The following TRAF3IP3 variants were observed in gnomAD, a reference collection of about 807,000 sequenced individuals.
TRAF3IP3 encodes TRAF3-interacting JNK-activating modulator.
In TRAF3IP3, 64 loss-of-function variants were observed where a neutral mutation model predicts 86.5. The ratio of observed to expected loss-of-function variants is 0.74; its 90% CI spans 0.60 to 0.91. The LOEUF is 0.91. Ranked by LOEUF, TRAF3IP3 falls within the 40% of genes least tolerant of loss-of-function variation. The probability of loss-of-function intolerance (pLI) is 0.00; values close to 1 mark genes in which losing one functional copy is unlikely to be tolerated. For missense variants in TRAF3IP3, 579 were observed against 642.9 expected, an observed-to-expected ratio of 0.90 and a Z score of 1.07; for synonymous variants, 220 against 243.9, an observed-to-expected ratio of 0.90 and a Z score of 0.91.
intron 13 of TRAF3IP3, chr1:209,778,582 G>T (rs2077709246): frequency 6.1e-6 from 1 of 164,420 alleles, no homozygotes; most frequent in African/African-American, 2.4e-5. Context: ...TACATATTGG[G>T]CCCAAAGAGG....
At chr1:209,761,924 A>G (rs1198902869) in intron 3 of TRAF3IP3, among the ~76,000 whole-genome samples, 1 of 152,288 alleles carries the variant, frequency 6.6e-6, no homozygotes, top group Admixed American at 6.5e-5. Context: ...CCTGGAGAAA[A>G]GTACAGCTCC....
chr1:209,778,204 A>G, intron 13 of TRAF3IP3, 31 bp downstream of exon 13: 1 of 1,606,694 alleles, frequency 6.2e-7, no homozygotes, highest in South Asian at 1.1e-5. Flanking sequence ...CTGAAAGTCC[A>G]CAGGGTTTTC....
intron 15 of TRAF3IP3, 100 bp from the exon 16 acceptor site, chr1:209,781,245 A>C: frequency 1.4e-6 from 1 of 733,868 alleles, no homozygotes; most frequent in Non-Finnish European, 2.4e-6. Context: ...GATGGTGGTA[A>C]AAATTCCAAA....
At chr1:209,775,154 T>G in intron 9 of TRAF3IP3, 195 bp from the exon 10 acceptor site, 1 of 602,050 alleles carries the variant, frequency 1.7e-6, no homozygotes, top group South Asian at 2.1e-5. Flanking sequence ...AGGGCACTGT[T>G]TATTATGCCC....
rs376068482 is a variant in TRAF3IP3 at position 209,780,561 on chromosome 1, C to G, written c.1404C>G (p.Asp468Glu). 10 of 1,599,740 alleles carry G rather than the reference C, an allele frequency of 6.3e-6. No individual in the cohort carries two copies. Among genetic ancestry groups the G allele is most frequent in the African/African-American group, 4.0e-5 (3 of 74,268 alleles). Reference sequence around the variant, plus strand: ...AGGAGAAAGACTGGGATCTCAGAGACCAGCTGCAAAAGAAGACTTTGCAGC... The same window carrying G: ...AGGAGAAAGACTGGGATCTCAGAGAGCAGCTGCAAAAGAAGACTTTGCAGC... The part of the protein sequence containing the change: ...TGKEKDWDLR[D>E]QLQKKTLQLQ... The change falls in exon 15 of 17, where the codon GAC becomes GAG. Residue 468 changes from aspartate to glutamate, a missense_variant. Transcript: ENST00000367025.
intron 8 of TRAF3IP3, among the ~76,000 whole-genome samples, chr1:209,766,383 G>A (rs975240830): frequency 1.3e-4 from 20 of 152,170 alleles, no homozygotes; most frequent in African/African-American, 4.6e-4. Context: ...TGTGCTACAG[G>A]GGCAAAGAGC....
At chr1:209,771,650 G>A (rs549138064) in intron 8 of TRAF3IP3, among the ~76,000 whole-genome samples, 3 of 142,968 alleles carry the variant, frequency 2.1e-5, no homozygotes, top group East Asian at 2.2e-4. Context: ...TGCATGTGAA[G>A]GTGTGCATGT....
intron 16 of TRAF3IP3, chr1:209,781,783 A>G (rs1296213746): frequency 4.0e-6 from 2 of 505,838 alleles, no homozygotes; most frequent in South Asian, 2.5e-5. Flanking sequence ...AAGAAAGAAT[A>G]TAATTTTGCT....
At chr1:209,780,022 G>C (rs1458282655) in intron 14 of TRAF3IP3, 1 of 157,536 alleles carries the variant, frequency 6.3e-6, no homozygotes, top group African/African-American at 2.4e-5. Flanking sequence ...AAGACTGCAG[G>C]GTGGCTAAAA....
chr1:209,771,445 GT>G (rs2077518721), intron 8 of TRAF3IP3, among the ~76,000 whole-genome samples: 1 of 46,690 alleles, frequency 2.1e-5, no homozygotes, highest in Admixed American at 2.9e-4. Flanking sequence ...GCATGTGGAG[GT>G]GTGTGTGCAT....
At chr1:209,775,956 G>A (rs1361985900) in intron 11 of TRAF3IP3, 7 of 455,420 alleles carry the variant, frequency 1.5e-5, no homozygotes, top group South Asian at 8.0e-5. Flanking sequence ...TGAACTAAGC[G>A]TTCATTGGAA....
rs780180698 is a variant in TRAF3IP3 at position 209,760,061 on chromosome 1, C to A, written c.22C>A (p.Pro8Thr). The change falls in exon 3 of 17, where the codon CCC becomes ACC. Residue 8 changes from proline to threonine, a missense_variant. Coordinates refer to ENST00000367025, the MANE Select transcript of TRAF3IP3 (RefSeq NM_025228.4). MISPDPR[P>T]SPGLARWAES... is the part of the protein sequence containing the mutation. The stretch of plus-strand genomic sequence containing the variant: ...CATCATGATCAGCCCAGACCCCAGG[C>A]CCTCCCCTGGCTTGGCCCGGTGGGC... 6.8e-6 allele frequency: 11 copies of A among 1,613,896 alleles called. No individual in the cohort carries two copies. The highest frequency in any genetic ancestry group is 6.8e-6 in the Non-Finnish European group (8 of 1,179,820).
chr1:209,762,578 G>T lies in TRAF3IP3; in HGVS notation c.409G>T (p.Asp137Tyr). Reference protein sequence around the residue: ...QHPPPSGICRDLSDHLSSQAG... With the variant: ...QHPPPSGICRYLSDHLSSQAG... ...TCCTCCTCCCTCAGGCATCTGCAGGGATCTGTCTGACCACCTCTCCTCACA... is the reference window on the plus strand; with the variant it reads ...TCCTCCTCCCTCAGGCATCTGCAGGTATCTGTCTGACCACCTCTCCTCACA... Residue 137 changes from aspartate (D) to tyrosine (Y), a missense_variant, in exon 4 of 17, where the codon GAT becomes TAT. Physicochemically the swap from Asp to Tyr is radical, Grantham distance 160. Coordinates refer to ENST00000367025, the MANE Select transcript of TRAF3IP3 (RefSeq NM_025228.4). 4.7e-6 allele frequency: 7 copies of T among 1,503,372 alleles called. No individual in the cohort carries two copies. Among genetic ancestry groups the T allele is most frequent in the Non-Finnish European group, 6.2e-6 (7 of 1,128,544 alleles). The allele number at this position is 1,503,372 out of a possible 1,614,324, so 93.1% of individuals were successfully genotyped here. A position where few individuals can be genotyped will look rare whatever the true frequency, so the allele number is the denominator to read the frequency against.
chr1:209,764,018 C>T (rs1358793778), intron 8 of TRAF3IP3, among the ~76,000 whole-genome samples: 1 of 152,322 alleles, frequency 6.6e-6, no homozygotes, highest in East Asian at 1.9e-4. Context: ...ACCTTAGAGA[C>T]AATCTGGCCT....
chr1:209,770,678 GA>G (rs2077459438), intron 8 of TRAF3IP3, among the ~76,000 whole-genome samples: 1 of 140,344 alleles, frequency 7.1e-6, no homozygotes, highest in African/African-American at 2.8e-5. Flanking sequence ...TGTGCATATG[GA>G]GGTGTGTGTG....
chr1:209,781,100 A>G (rs1234667157), intron 15 of TRAF3IP3: 7 of 251,240 alleles, frequency 2.8e-5, no homozygotes, highest in African/African-American at 1.6e-4. Context: ...ACGTAAAGTC[A>G]TATAAAAGAA....
At chr1:209,760,985 T>C (rs530278940) in intron 3 of TRAF3IP3, among the ~76,000 whole-genome samples, 2 of 152,342 alleles carry the variant, frequency 1.3e-5, no homozygotes, top group East Asian at 3.9e-4. Context: ...CTAATGCCTA[T>C]ATCAGTTCAA....
chr1:209,771,313 G>A (rs2077509238), intron 8 of TRAF3IP3, among the ~76,000 whole-genome samples: 1 of 120,246 alleles, frequency 8.3e-6, no homozygotes. Context: ...ATGTGAAGGT[G>A]TGTGTGTGCA....
chr1:209,767,462 A>C (rs991430707), intron 8 of TRAF3IP3, among the ~76,000 whole-genome samples: 14 of 152,196 alleles, frequency 9.2e-5, no homozygotes, highest in African/African-American at 3.4e-4. Context: ...TTGGGGGGCC[A>C]AGGCAGAAGG....
Sources: gnomAD v4.1 joint callset for allele counts (sites outside exome capture counted in the v4.1 genomes callset) on GRCh38, gnomAD v4.1.1 for gene constraint, MANE v1.5 for transcripts, NCBI Gene and HGNC (gene_info 2026-07-23, HGNC 2026-07-21) for gene names.